Variants in INSIG1 observed in about 807,000 individuals in gnomAD.
The protein encoded by INSIG1 is insulin induced gene 1.
In INSIG1, 14 loss-of-function variants were observed where a neutral mutation model predicts 26.5. The observed-to-expected ratio is 0.53, with a 90% confidence interval of 0.35 to 0.83. The LOEUF is 0.83. INSIG1 is among the 40% of genes least tolerant of loss of function. INSIG1 has a pLI of 0.01. For missense variants in INSIG1, 272 were observed against 368.9 expected (o/e 0.74, Z 2.15); for synonymous variants, 147 against 153.3 (o/e 0.96, Z 0.30).
At chr7:155,303,007 C>G (rs1336927465) in intron 5 of INSIG1, 161 bp downstream of exon 5, 23 of 516,136 alleles carry the variant, frequency 4.5e-5, no homozygotes, top group Non-Finnish European at 7.7e-5. Context: ...TAATGATACC[C>G]AGGTAATTCT....
intron 5 of INSIG1, among the ~76,000 whole-genome samples, chr7:155,307,704 A>G (rs994321557): frequency 2.0e-5 from 3 of 152,172 alleles, no homozygotes; most frequent in African/African-American, 7.2e-5. Context: ...AGCATGACCT[A>G]TTTCCAATGT....
At chr7:155,298,029 T>C (rs1239467680) in intron 1 of INSIG1, 70 bp downstream of exon 1, 2 of 352,696 alleles carry the variant, frequency 5.7e-6, no homozygotes, top group Non-Finnish European at 1.0e-5. Flanking sequence ...TCCCCGGAGG[T>C]AGGCGGGCGC....
intron 5 of INSIG1, among the ~76,000 whole-genome samples, chr7:155,306,681 T>G (rs552550656): frequency 6.6e-6 from 1 of 152,362 alleles, no homozygotes; most frequent in Non-Finnish European, 1.5e-5. Context: ...TAGAAACTAT[T>G]ATTAGCCCAT....
At chr7:155,307,049 G>A (rs1042313507) in intron 5 of INSIG1, among the ~76,000 whole-genome samples, 1 of 152,238 alleles carries the variant, frequency 6.6e-6, no homozygotes, top group African/African-American at 2.4e-5. Context: ...AGTGAACAGG[G>A]AGTCAAATGT....
chr7:155,298,558 C>G lies in INSIG1; in HGVS notation c.273C>G (p.Leu91=). Residue 91 remains leucine, a synonymous_variant, in exon 2 of 6, where the codon CTC becomes CTG. Coordinates refer to ENST00000340368, the MANE Select transcript of INSIG1 (RefSeq NM_005542.6). ...HHRLLQRSLV[L]FSVGVVLALV... is the part of the protein sequence containing the mutation. ...GCCTGTTGCAGAGGAGCCTCGTGCT[C>G]TTCTCGGTTGGGGTGGTCCTAGCCC... is the stretch of plus-strand genomic sequence containing the variant. The G allele has an allele frequency of 6.2e-7, 1 of 1,609,930 alleles. No homozygotes were observed. Among genetic ancestry groups the G allele is most frequent in the Non-Finnish European group, 8.5e-7 (1 of 1,178,278 alleles).
chr7:155,300,863 T>C (rs116747688), intron 2 of INSIG1, among the ~76,000 whole-genome samples: 1,567 of 152,338 alleles, frequency 0.01, 23 homozygotes, highest in African/African-American at 0.036. Flanking sequence ...CTTGGTCTGG[T>C]GTTCTTTCCG....
At chr7:155,305,197 C>T (rs565222352) in intron 5 of INSIG1, among the ~76,000 whole-genome samples, 1 of 152,070 alleles carries the variant, frequency 6.6e-6, no homozygotes, top group East Asian at 1.9e-4. Context: ...AATCCCCTTC[C>T]CTGCTGGGCT....
chr7:155,298,735 G>GACACCCTT, intron 2 of INSIG1, 38 bp downstream of exon 2: 1 of 1,573,190 alleles, frequency 6.4e-7, no homozygotes. Context: ...AGTAAAAAGG[G>GACACCCTT]TGTCTTTTCG....
Position 155,298,174 on chromosome 7 carries a change from G to A in INSIG1, c.-27-85G>A, listed in dbSNP as rs1797672471. On this transcript the variant is annotated intron_variant, in intron 1 of 5. Coordinates refer to ENST00000340368, the MANE Select transcript of INSIG1 (RefSeq NM_005542.6). ...ACCTTGGGGGGCGGCGCTGCCGCCTGGCCCGGGTGCCGGGGTTCGCGTCCC... is the reference window on the plus strand; with the variant it reads ...ACCTTGGGGGGCGGCGCTGCCGCCTAGCCCGGGTGCCGGGGTTCGCGTCCC... 3.3e-6 allele frequency: 4 copies of A among 1,195,616 alleles called. No individual in the cohort carries two copies. The South Asian group carries it at 8.8e-5, about 26-fold the overall frequency. The allele number at this position is 1,195,616 out of a possible 1,614,324, so 74.1% of individuals were successfully genotyped here.
chr7:155,304,330 A>G (rs951001322), intron 5 of INSIG1, among the ~76,000 whole-genome samples: 2 of 152,188 alleles, frequency 1.3e-5, no homozygotes, highest in African/African-American at 4.8e-5. Context: ...TGCATTCGCC[A>G]TCATCCCCGT....
At position 155,302,230 on chromosome 7, in the gene INSIG1, C is replaced by G; in HGVS notation, c.538-21C>G. ...TCTTAATAAGAGTCAGCAAACTTTT[C>G]CTTAACTTTTATATCACCAGAAATT... On this transcript the variant is annotated intron_variant, in intron 3 of 5. Coordinates refer to ENST00000340368, the MANE Select transcript of INSIG1 (RefSeq NM_005542.6). The surrounding 1 kb of genome is among the most constrained non-coding windows in gnomAD (Gnocchi z 4.3). The G allele has an allele frequency of 6.5e-7, 1 of 1,531,766 alleles. No homozygotes were observed. Among genetic ancestry groups the G allele is most frequent in the Non-Finnish European group, 8.8e-7 (1 of 1,141,900 alleles). 94.9% of individuals were successfully genotyped at this position (1,531,766 alleles called of 1,614,324 possible).
At chr7:155,305,960 C>T (rs989226725) in intron 5 of INSIG1, among the ~76,000 whole-genome samples, 3 of 152,174 alleles carry the variant, frequency 2.0e-5, no homozygotes, top group Middle Eastern at 3.2e-3. Flanking sequence ...CATTTGTTAT[C>T]AGCCTGTTAC....
chr7:155,307,927 T>G (rs9770059), intron 5 of INSIG1, among the ~76,000 whole-genome samples: 84,853 of 152,060 alleles, frequency 0.56, 24,832 homozygotes, highest in Non-Finnish European at 0.6. Context: ...CTTTCACCAA[T>G]ATCTTACACT....
At chr7:155,299,269 C>T (rs1563029478) in intron 2 of INSIG1, among the ~76,000 whole-genome samples, 2 of 152,180 alleles carry the variant, frequency 1.3e-5, no homozygotes, top group South Asian at 2.1e-4. Flanking sequence ...CTGTAGATTA[C>T]GTTCTTAAGG....
rs772647755 is a variant in INSIG1, at chr7:155,301,707, G to C, written c.537+17G>C. 15 of 1,542,828 alleles carry C rather than the reference G, an allele frequency of 9.7e-6. No individual in the cohort carries two copies. In the South Asian group the frequency reaches 1.3e-4, roughly 13 times the overall value. On this transcript the variant is annotated intron_variant, in intron 3 of 5. Coordinates refer to ENST00000340368, the MANE Select transcript of INSIG1 (RefSeq NM_005542.6). ...GCCAGTGCTGTATCCTTAATTTTCTGTGCTACGTCCAGAGTATCTTCTTAG... is the reference window on the plus strand; with the variant it reads ...GCCAGTGCTGTATCCTTAATTTTCTCTGCTACGTCCAGAGTATCTTCTTAG...
chr7:155,304,007 G>A (rs1399751330), intron 5 of INSIG1: 1 of 403,834 alleles, frequency 2.5e-6, no homozygotes, highest in Non-Finnish European at 4.3e-6. Flanking sequence ...TTGAGACAGA[G>A]CTCTGGAGTG....
In INSIG1 at chr7:155,308,699, A is replaced by G. The variant is rs1439768146; in HGVS notation, c.*429A>G. 1.2e-5 allele frequency: 2 copies of G among 160,088 alleles called. No homozygotes were observed. The highest frequency in any genetic ancestry group is 4.8e-5 in the African/African-American group (2 of 41,756). 9.9% of individuals were successfully genotyped at this position (160,088 alleles called of 1,614,324 possible). A position where few individuals can be genotyped will look rare whatever the true frequency, so the allele number is the denominator to read the frequency against. On this transcript the variant is annotated 3_prime_UTR_variant, in exon 6 of 6. Coordinates refer to ENST00000340368, the MANE Select transcript of INSIG1 (RefSeq NM_005542.6). Reference sequence around the variant, plus strand: ...ACATGAAGTATGGTGTAATAGGAATAATATTTATCCAAAAGATTTTTAAAA... The same window carrying G: ...ACATGAAGTATGGTGTAATAGGAATGATATTTATCCAAAAGATTTTTAAAA...
rs765610318 is a variant in INSIG1 at position 155,302,411 on chromosome 7, T to C, written c.698T>C (p.Val233Ala). 6.3e-7 allele frequency: 1 copy of C among 1,594,092 alleles called. No individual in the cohort carries two copies. Among genetic ancestry groups the C allele is most frequent in the East Asian group, 2.2e-5 (1 of 44,452 alleles). Residue 233 changes from valine (V) to alanine (A), a missense_variant, in exon 4 of 6, where the codon GTC (valine) becomes GCC (alanine). Physicochemically the swap from Val to Ala is moderately conservative, Grantham distance 64 (BLOSUM62 0). Around this residue, in one of 2 missense-constraint regions of INSIG1, gnomAD observed 111 missense variants for 189.8 expected, o/e 0.58. Coordinates refer to ENST00000340368, the MANE Select transcript of INSIG1 (RefSeq NM_005542.6). This position sits in a 1 kb window ranked among gnomAD's most constrained non-coding sequence, Gnocchi z 4.3. Reference sequence around the variant, plus strand: ...ACGCAGTTTCTCGTGTATAATGGTGTCTATCAGTAAGTGTGTGTTTTCAAA... The same window carrying C: ...ACGCAGTTTCTCGTGTATAATGGTGCCTATCAGTAAGTGTGTGTTTTCAAA... ...LITQFLVYNG[V>A]YQYTSPDFLY...
In INSIG1 at chr7:155,308,771, G is replaced by C. The variant is rs1247077024; in HGVS notation, c.*501G>C. 1.9e-5 allele frequency: 3 copies of C among 158,002 alleles called. No individual in the cohort carries two copies. Among genetic ancestry groups the C allele is most frequent in the African/African-American group, 7.2e-5 (3 of 41,528 alleles). 9.8% of individuals were successfully genotyped at this position (158,002 alleles called of 1,614,324 possible). A position where few individuals can be genotyped will look rare whatever the true frequency, so the allele number is the denominator to read the frequency against. ...AAAACAAAACAAGAAAAGCAGCAGT[G>C]ATTATAGAGAGGTCACACTCTAAGT... On this transcript the variant is annotated 3_prime_UTR_variant, in exon 6 of 6. Coordinates refer to ENST00000340368, the MANE Select transcript of INSIG1 (RefSeq NM_005542.6).
Sources: gnomAD v4.1 joint callset for allele counts (sites outside exome capture counted in the v4.1 genomes callset) on GRCh38, gnomAD v4.1.1 for gene constraint, gnomAD v4.1.1 regional missense constraint, Gnocchi (gnomAD v3.1) non-coding constraint, MANE v1.5 for transcripts, NCBI Gene and HGNC (gene_info 2026-07-23, HGNC 2026-07-21) for gene names.